Variants in RORA observed in about 807,000 individuals in gnomAD.
The protein encoded by RORA is nuclear receptor ROR-alpha.
RORA carries 7 observed loss-of-function variants against 69.5 expected under a neutral mutation model. The observed-to-expected ratio is 0.10, with a 90% CI of 0.06 to 0.19. RORA has a LOEUF of 0.19. RORA is among the 10% of genes least tolerant of loss of function. The pLI is 1.00. For missense variants in RORA, 457 were observed against 663.0 expected, an observed-to-expected ratio of 0.69 and a Z score of 3.41; for synonymous variants, 261 against 240.8, an observed-to-expected ratio of 1.08 and a Z score of -0.78.
intron 1 of RORA, among the ~76,000 whole-genome samples, chr15:60,748,780 T>C (rs1380395899): frequency 2.0e-5 from 3 of 152,110 alleles, no homozygotes; most frequent in African/African-American, 7.2e-5. Context: ...TAACGGGAAG[T>C]TGGGGTATGT....
intron 1 of RORA, among the ~76,000 whole-genome samples, chr15:60,921,024 C>T (rs187381369): frequency 1.6e-4 from 24 of 152,290 alleles, no homozygotes; most frequent in Non-Finnish European, 2.9e-5. Flanking sequence ...ACCTCATAGC[C>T]TCCTAAGACC....
intron 1 of RORA, among the ~76,000 whole-genome samples, chr15:61,090,256 T>A (rs1268683912): frequency 6.6e-6 from 1 of 152,222 alleles, no homozygotes; most frequent in African/African-American, 2.4e-5. Context: ...GTATTTTTTA[T>A]TCTGTTTACT....
chr15:60,807,388 C>A (rs1419308226), intron 1 of RORA, among the ~76,000 whole-genome samples: 1 of 152,100 alleles, frequency 6.6e-6, no homozygotes, highest in Admixed American at 6.5e-5. Flanking sequence ...AAGACCTCTA[C>A]AAGAAAACTA....
chr15:60,933,312 G>A (rs1004746636), intron 1 of RORA, among the ~76,000 whole-genome samples: 13 of 152,232 alleles, frequency 8.5e-5, no homozygotes, highest in South Asian at 8.3e-4. Flanking sequence ...TGTAGCCTAC[G>A]TTCTCAGCAA....
intron 1 of RORA, among the ~76,000 whole-genome samples, chr15:60,935,377 A>G (rs1234817404): frequency 6.6e-6 from 1 of 152,240 alleles, no homozygotes; most frequent in Admixed American, 6.5e-5. Context: ...GTGATCCCAC[A>G]CAAGCTGAGG....
chr15:60,839,721 G>A (rs1041360625), intron 1 of RORA, among the ~76,000 whole-genome samples: 3 of 152,182 alleles, frequency 2.0e-5, no homozygotes, highest in African/African-American at 4.8e-5. Flanking sequence ...CAGCCTACAC[G>A]GTGAATGACT....
At chr15:60,519,809 A>C (rs377060879) in intron 3 of RORA, among the ~76,000 whole-genome samples, 3 of 146,228 alleles carry the variant, frequency 2.1e-5, no homozygotes, top group African/African-American at 5.2e-5. Context: ...CCTTATTTCT[A>C]AATCACTCTA....
At chr15:60,976,603 C>A (rs939970858) in intron 1 of RORA, among the ~76,000 whole-genome samples, 1 of 152,128 alleles carries the variant, frequency 6.6e-6, no homozygotes, top group African/African-American at 2.4e-5. Context: ...AATGAAGAGA[C>A]AAATGTTAGC....
intron 1 of RORA, among the ~76,000 whole-genome samples, chr15:61,052,175 G>A (rs1394733386): frequency 2.0e-5 from 3 of 152,230 alleles, no homozygotes. Flanking sequence ...CACAGAGAAT[G>A]ATCAGTGTTT....
chr15:61,140,629 G>A (rs1321978342), intron 1 of RORA, among the ~76,000 whole-genome samples: 1 of 152,010 alleles, frequency 6.6e-6, no homozygotes, highest in Non-Finnish European at 1.5e-5. Flanking sequence ...GATCTACAAG[G>A]GGACCCCAAA....
chr15:61,222,705 C>T (rs1443836818), intron 1 of RORA, among the ~76,000 whole-genome samples: 1 of 152,204 alleles, frequency 6.6e-6, no homozygotes, highest in Non-Finnish European at 1.5e-5. Flanking sequence ...CTGAGAAAGT[C>T]AGCTTCTGAT....
At chr15:61,080,560 G>A (rs7177611) in intron 1 of RORA, among the ~76,000 whole-genome samples, 39,748 of 152,002 alleles carry the variant, frequency 0.26, 5,232 homozygotes, top group Non-Finnish European at 0.28. Context: ...GCTCAAATGC[G>A]GCATCAAATT....
rs73430893 is a variant in RORA, at chr15:61,119,927, A to G, written c.166+109126T>C. On this transcript the variant is annotated intron_variant, in intron 1 of 10. Coordinates refer to ENST00000335670, the MANE Select transcript of RORA (RefSeq NM_134261.3). The stretch of plus-strand genomic sequence containing the variant: ...AAGGGGTTGAGGGCAACAAAAGAGA[A>G]GTGTGCAAATGCTAGTGGCAACAGG... 3.2e-3 allele frequency among the ~76,000 whole-genome samples: 491 copies of G among 152,328 alleles called. 2 individuals carry two copies. Among genetic ancestry groups the G allele is most frequent in the African/African-American group, 0.011 (456 of 41,564 alleles).
At chr15:60,580,669 C>G (rs7166772) in intron 2 of RORA, among the ~76,000 whole-genome samples, 13,502 of 152,208 alleles carry the variant, frequency 0.089, 1,000 homozygotes, top group African/African-American at 0.2. Flanking sequence ...CGCTGATCTG[C>G]AAAAATCACT....
intron 1 of RORA, among the ~76,000 whole-genome samples, chr15:61,013,915 C>G (rs1895184610): frequency 6.6e-6 from 1 of 151,114 alleles, no homozygotes; most frequent in Non-Finnish European, 1.5e-5. Flanking sequence ...TCCCGAGTAG[C>G]TGCGTCTACA....
intron 1 of RORA, among the ~76,000 whole-genome samples, chr15:61,173,831 A>AT (rs2079605757): frequency 6.6e-6 from 1 of 152,172 alleles, no homozygotes; most frequent in African/African-American, 2.4e-5. Flanking sequence ...TGCCTGGATG[A>AT]TTTTTTGTAG....
chr15:60,519,292 A>C (rs1443248907), intron 3 of RORA, among the ~76,000 whole-genome samples: 1 of 152,200 alleles, frequency 6.6e-6, no homozygotes, highest in Non-Finnish European at 1.5e-5. Flanking sequence ...TCTATGCTTT[A>C]TGTGGATTGT....
At chr15:60,705,127 G>GAA (rs11425134) in intron 1 of RORA, among the ~76,000 whole-genome samples, 146 of 147,208 alleles carry the variant, frequency 9.9e-4, no homozygotes, top group South Asian at 7.6e-3. Flanking sequence ...TTTTGTGCCA[G>GAA]AAAAAAAAAA....
chr15:60,708,166 G>A (rs1000340582), intron 1 of RORA, among the ~76,000 whole-genome samples: 3 of 152,092 alleles, frequency 2.0e-5, no homozygotes. Context: ...TGTATTATTC[G>A]TGTTGATAGC....
Sources: gnomAD v4.1 joint callset for allele counts (sites outside exome capture counted in the v4.1 genomes callset) on GRCh38, gnomAD v4.1.1 for gene constraint, MANE v1.5 for transcripts, NCBI Gene and HGNC (gene_info 2026-07-23, HGNC 2026-07-21) for gene names.